Variants in NRXN3 observed in about 807,000 individuals in gnomAD.
NRXN3 encodes neurexin 3, also known as neurexin III.
Under a neutral mutation model 137.6 loss-of-function variants are expected in NRXN3, and 32 were observed. The ratio of observed to expected loss-of-function variants is 0.23; its 90% CI spans 0.18 to 0.31. The LOEUF (loss-of-function observed/expected upper bound fraction) is 0.31. Among genes scored for constraint, NRXN3 ranks in the 10% least tolerant of loss-of-function variants. NRXN3 has a pLI of 1.00. For synonymous variants in NRXN3, 798 were observed against 784.5 expected (o/e 1.02, Z -0.29); for missense variants, 1,574 against 2,062.5 (o/e 0.76, Z 4.59).
At position 78,432,304 on chromosome 14, in the gene NRXN3, T is replaced by G. The variant is rs528436698; in HGVS notation, c.757+134444T>G. ...ATCTTCCAAAGCTGCACTCAGGTTT[T>G]TTTTTTTTTTGACATGTCTCAGCTC... On this transcript the variant is annotated intron_variant, in intron 4 of 20. Transcript: ENST00000335750. Among the ~76,000 whole-genome samples the G allele has an allele frequency of 1.8e-4, 28 of 151,866 alleles. No homozygotes were observed. The South Asian group carries it at 5.4e-3, about 29-fold the overall frequency.
At chr14:78,771,275 T>C (rs953744573) in intron 8 of NRXN3, among the ~76,000 whole-genome samples, 1 of 152,170 alleles carries the variant, frequency 6.6e-6, no homozygotes, top group African/African-American at 2.4e-5. Context: ...GAAGGATCGA[T>C]GTCTAAGCTC....
intron 15 of NRXN3, among the ~76,000 whole-genome samples, chr14:79,005,347 A>C (rs890374715): frequency 2.6e-5 from 4 of 152,190 alleles, no homozygotes; most frequent in African/African-American, 9.6e-5. Flanking sequence ...CTCTTACCTT[A>C]GCAATGCCCT....
chr14:78,252,918 G>A (rs923372189), intron 2 of NRXN3, among the ~76,000 whole-genome samples: 6 of 152,236 alleles, frequency 3.9e-5, no homozygotes, highest in African/African-American at 1.4e-4. Context: ...TGGGGAAAGG[G>A]CTGGACAGGC....
chr14:78,607,742 C>T (rs1325872486), intron 4 of NRXN3, among the ~76,000 whole-genome samples: 2 of 152,270 alleles, frequency 1.3e-5, no homozygotes, highest in East Asian at 1.9e-4. Context: ...TGTTGCTATT[C>T]TCCACGATCT....
chr14:78,568,625 T>C (rs1280745729), intron 4 of NRXN3, among the ~76,000 whole-genome samples: 1 of 152,238 alleles, frequency 6.6e-6, no homozygotes, highest in African/African-American at 2.4e-5. Context: ...GATTATCTTG[T>C]TTGACTTAAG....
At chr14:79,843,942 C>A (rs1198804146) in intron 20 of NRXN3, among the ~76,000 whole-genome samples, 1 of 152,070 alleles carries the variant, frequency 6.6e-6, no homozygotes, top group Non-Finnish European at 1.5e-5. Flanking sequence ...TTATATCATT[C>A]TTGTACCTTT....
intron 15 of NRXN3, among the ~76,000 whole-genome samples, chr14:79,219,543 G>T (rs1470563675): frequency 6.6e-5 from 10 of 152,274 alleles, no homozygotes; most frequent in African/African-American, 2.4e-4. Context: ...ATAAAGCAGA[G>T]AGACTTTTCC....
In NRXN3 at chr14:79,267,594, G is replaced by A. The variant is rs574605266; in HGVS notation, c.3263-199627G>A. On this transcript the variant is annotated intron_variant, in intron 15 of 20. Transcript: ENST00000335750. ...GCTGGTCTTGAACTCCTGGCCTCAA[G>A]TGATCCCCCTGACTTGGCCTCCCAA... is the stretch of plus-strand genomic sequence containing the variant. Among the ~76,000 whole-genome samples, 3 of 151,730 alleles carry A rather than the reference G, an allele frequency of 2.0e-5. No homozygotes were observed. In the South Asian group the frequency reaches 6.2e-4, roughly 32 times the overall value.
intron 15 of NRXN3, among the ~76,000 whole-genome samples, chr14:79,416,682 T>G (rs569844865): frequency 6.6e-6 from 1 of 152,290 alleles, no homozygotes; most frequent in Non-Finnish European, 1.5e-5. Context: ...TCCACACAGC[T>G]TAGACTGTCA....
intron 4 of NRXN3, among the ~76,000 whole-genome samples, chr14:78,519,917 C>T (rs977971240): frequency 8.5e-5 from 13 of 152,120 alleles, no homozygotes; most frequent in African/African-American, 2.4e-4. Flanking sequence ...TATTTATACC[C>T]TAATACTAGG....
chr14:79,565,183 T>C (rs1452624598), intron 16 of NRXN3, among the ~76,000 whole-genome samples: 2 of 149,950 alleles, frequency 1.3e-5, no homozygotes, highest in East Asian at 2.0e-4. Context: ...TAAGTATAAA[T>C]GGATTGTAGC....
intron 19 of NRXN3, among the ~76,000 whole-genome samples, chr14:79,709,410 C>G (rs2098794489): frequency 6.6e-6 from 1 of 152,152 alleles, no homozygotes; most frequent in African/African-American, 2.4e-5. Context: ...TCAGACAATG[C>G]TGCTCCGGGT....
Position 78,727,736 on chromosome 14 carries a change from C to CA in NRXN3, c.2044+12606dup, listed in dbSNP as rs140064754. ...GGCAACAAGAGCGAAAACTCCGTCT[C>CA]AAAAAAAAATGCTGTGGGCCCACTT... On this transcript the variant is annotated intron_variant, in intron 8 of 20. Coordinates refer to ENST00000335750, the MANE Select transcript of NRXN3 (RefSeq NM_001330195.2). Among the ~76,000 whole-genome samples the CA allele has an allele frequency of 0.011, 1,623 of 150,776 alleles. 83 individuals are homozygous for CA. The East Asian group carries it at 0.17, about 16-fold the overall frequency.
intron 10 of NRXN3, among the ~76,000 whole-genome samples, chr14:78,948,992 G>T (rs1041098068): frequency 6.6e-6 from 1 of 152,180 alleles, no homozygotes; most frequent in African/African-American, 2.4e-5. Context: ...TAAAGCTGGG[G>T]TATAGTAGAT....
At chr14:79,503,902 G>T (rs2043585) in intron 16 of NRXN3, among the ~76,000 whole-genome samples, 62,859 of 151,990 alleles carry the variant, frequency 0.41, 13,109 homozygotes, top group South Asian at 0.54. Context: ...AAAAGATAAT[G>T]TCTGTTTTCC....
intron 10 of NRXN3, among the ~76,000 whole-genome samples, chr14:78,943,762 T>C (rs1430898902): frequency 6.8e-6 from 1 of 146,846 alleles, no homozygotes; most frequent in African/African-American, 2.5e-5. Flanking sequence ...CTTACTCTAA[T>C]AACAGAAGCA....
intron 10 of NRXN3, among the ~76,000 whole-genome samples, chr14:78,893,587 C>A (rs1017110371): frequency 6.6e-6 from 1 of 151,956 alleles, no homozygotes; most frequent in Non-Finnish European, 1.5e-5. Flanking sequence ...GAAACAATCT[C>A]ATTTATCTTC....
intron 15 of NRXN3, chr14:79,280,973 A>G (rs2081189349): frequency 1.2e-5 from 2 of 169,580 alleles, no homozygotes; most frequent in Non-Finnish European, 2.6e-5. Context: ...ATAGCTGACA[A>G]CAGGAATCAG....
chr14:78,354,040 A>G (rs1045736949), intron 4 of NRXN3, among the ~76,000 whole-genome samples: 20 of 152,150 alleles, frequency 1.3e-4, no homozygotes, highest in African/African-American at 4.6e-4. Context: ...TTTACTTGTC[A>G]TTGACTGTTC....
Sources: gnomAD v4.1 joint callset for allele counts (sites outside exome capture counted in the v4.1 genomes callset) on GRCh38, gnomAD v4.1.1 for gene constraint, MANE v1.5 for transcripts, NCBI Gene and HGNC (gene_info 2026-07-23, HGNC 2026-07-21) for gene names.